TBL1XR1: variants seen among roughly 807,000 people sequenced by gnomAD.
TBL1XR1 encodes the protein F-box-like/WD repeat-containing protein TBL1XR1.
Under a neutral mutation model 66.9 loss-of-function variants are expected in TBL1XR1, and 5 were observed. The ratio of observed to expected loss-of-function variants is 0.07; its 90% CI spans 0.04 to 0.16. The LOEUF is 0.16. Among genes scored for constraint, TBL1XR1 ranks in the 10% least tolerant of loss-of-function variants. The pLI, the probability that TBL1XR1 is intolerant of heterozygous loss-of-function variation, is 1.00. For missense variants in TBL1XR1, 238 were observed against 623.2 expected, an observed-to-expected ratio of 0.38 and a Z score of 6.58; for synonymous variants, 210 against 206.0, an observed-to-expected ratio of 1.02 and a Z score of -0.17.
chr3:177,197,897 G>A (rs1343336021), upstream of TBL1XR1, among the ~76,000 whole-genome samples: 1 of 149,288 alleles, frequency 6.7e-6, no homozygotes, highest in Non-Finnish European at 1.5e-5. Context: ...TCGGGTGTGG[G>A]CCGCTGGGCC....
intron 1 of TBL1XR1, among the ~76,000 whole-genome samples, chr3:177,134,969 G>GTGTC (rs1553852554): frequency 1.0e-4 from 10 of 95,518 alleles, no homozygotes; most frequent in East Asian, 4.8e-4. Context: ...GTGTGTGTCT[G>GTGTC]TGTGTGTGTC....
chr3:177,122,403 A>T (rs1476856610), intron 1 of TBL1XR1, among the ~76,000 whole-genome samples: 2 of 152,160 alleles, frequency 1.3e-5, no homozygotes, highest in Non-Finnish European at 2.9e-5. Context: ...AGAGAAGAGC[A>T]TCAAGAAGTT....
intron 2 of TBL1XR1, among the ~76,000 whole-genome samples, chr3:177,077,384 T>A (rs1720823485): frequency 6.6e-6 from 1 of 152,186 alleles, no homozygotes; most frequent in Non-Finnish European, 1.5e-5. Flanking sequence ...TTACTTTAGA[T>A]CTCACCTGAA....
At chr3:177,147,501 T>A (rs1218451580) in intron 1 of TBL1XR1, among the ~76,000 whole-genome samples, 1 of 152,220 alleles carries the variant, frequency 6.6e-6, no homozygotes, top group Non-Finnish European at 1.5e-5. Flanking sequence ...AAAGTACTTA[T>A]GATTATTAAA....
intron 1 of TBL1XR1, among the ~76,000 whole-genome samples, chr3:177,170,806 T>A (rs754562199): frequency 7.1e-4 from 108 of 151,982 alleles, no homozygotes; most frequent in Admixed American, 1.3e-3. Flanking sequence ...GGTCTCGCCA[T>A]GTTGCCCAAG....
In TBL1XR1 at chr3:177,098,070, G is replaced by A. The variant is rs139289907; in HGVS notation, c.-46+396C>T. ...TAAAAATACAAAAAATTAGCTGGGCGTGGTGGCGCATGCCTGTAATCCCAG... is the reference window on the plus strand; with the variant it reads ...TAAAAATACAAAAAATTAGCTGGGCATGGTGGCGCATGCCTGTAATCCCAG... On this transcript the variant is annotated intron_variant, in intron 2 of 15. Coordinates refer to ENST00000457928, the MANE Select transcript of TBL1XR1 (RefSeq NM_024665.7). 2.9e-3 allele frequency among the ~76,000 whole-genome samples: 436 copies of A among 152,136 alleles called. 7 individuals are homozygous for A. The highest frequency in any genetic ancestry group is 4.0e-3 in the Non-Finnish European group (269 of 68,000).
intron 1 of TBL1XR1, chr3:177,120,645 C>T (rs753748880): frequency 3.3e-5 from 5 of 152,148 alleles, no homozygotes; most frequent in Non-Finnish European, 4.4e-5. Context: ...CTTTTCGCAG[C>T]TTTAACTCAC....
intron 1 of TBL1XR1, among the ~76,000 whole-genome samples, chr3:177,182,525 G>C (rs576299751): frequency 6.6e-6 from 1 of 152,262 alleles, no homozygotes; most frequent in East Asian, 1.9e-4. Flanking sequence ...ACTAGCAAAC[G>C]TATACCTCAG....
At chr3:177,152,685 A>C (rs142104291) in intron 1 of TBL1XR1, among the ~76,000 whole-genome samples, 1 of 152,122 alleles carries the variant, frequency 6.6e-6, no homozygotes, top group African/African-American at 2.4e-5. Flanking sequence ...ATATCTCTAT[A>C]TATTATTTTC....
At chr3:177,089,111 A>C (rs1163811283) in intron 2 of TBL1XR1, among the ~76,000 whole-genome samples, 1 of 152,194 alleles carries the variant, frequency 6.6e-6, no homozygotes, top group Non-Finnish European at 1.5e-5. Flanking sequence ...TTTTAAGAAT[A>C]ATCAAGTTCT....
At chr3:177,047,687 C>A (rs935920834) in intron 7 of TBL1XR1, 138 bp from the exon 8 acceptor site, 3 of 887,918 alleles carry the variant, frequency 3.4e-6, no homozygotes, top group Non-Finnish European at 5.2e-6. Context: ...GTTTTGCCTA[C>A]TTGTGAGTGC....
chr3:177,142,330 TACCTACTCTTAATTAC>T (rs1472640785), intron 1 of TBL1XR1, among the ~76,000 whole-genome samples: 14 of 152,240 alleles, frequency 9.2e-5, no homozygotes, highest in South Asian at 4.1e-4. Context: ...GTCACATTTA[TACCTACTCTTAATTAC>T]ACCTACTCTT....
chr3:177,128,452 C>A (rs1727907960), intron 1 of TBL1XR1, among the ~76,000 whole-genome samples: 1 of 152,162 alleles, frequency 6.6e-6, no homozygotes, highest in Non-Finnish European at 1.5e-5. Flanking sequence ...CAGCTCCCTG[C>A]AGCCTGGATC....
At chr3:177,151,086 T>C (rs1452088038) in intron 1 of TBL1XR1, among the ~76,000 whole-genome samples, 5 of 152,220 alleles carry the variant, frequency 3.3e-5, no homozygotes, top group Non-Finnish European at 7.3e-5. Context: ...GCTGTTCAAC[T>C]CCTTTATTTT....
rs1398564909 is a variant in TBL1XR1 at position 177,023,353 on chromosome 3, T to C, written c.*2145A>G. ...ATTTTTATTTATTTTTTTTAAACAA[T>C]AACAGAGGTCAACCACAGATGTGGA... On this transcript the variant is annotated 3_prime_UTR_variant, in exon 16 of 16. Coordinates refer to ENST00000457928, the MANE Select transcript of TBL1XR1 (RefSeq NM_024665.7). The C allele has an allele frequency of 6.6e-6, 1 of 152,486 alleles. No homozygotes were observed. The highest frequency in any genetic ancestry group is 1.5e-5 in the Non-Finnish European group (1 of 67,962). The allele number at this position is 152,486 out of a possible 1,614,324, so 9.4% of individuals were successfully genotyped here.
At chr3:177,042,075 G>A (rs1577004110) in intron 10 of TBL1XR1, among the ~76,000 whole-genome samples, 1 of 152,130 alleles carries the variant, frequency 6.6e-6, no homozygotes, top group Non-Finnish European at 1.5e-5. Flanking sequence ...GGAGTGTCTA[G>A]TTTACACGTC....
intron 1 of TBL1XR1, among the ~76,000 whole-genome samples, chr3:177,121,734 CCAT>C (rs1726997818): frequency 6.6e-6 from 1 of 152,084 alleles, no homozygotes; most frequent in Non-Finnish European, 1.5e-5. Context: ...ACTCACAATC[CCAT>C]CGAGGCTGTT....
At chr3:177,189,180 C>T (rs1209985218) in intron 1 of TBL1XR1, among the ~76,000 whole-genome samples, 1 of 150,772 alleles carries the variant, frequency 6.6e-6, no homozygotes, top group Non-Finnish European at 1.5e-5. Flanking sequence ...TGCACTCCAG[C>T]TTAGGCAACA....
At chr3:177,145,938 C>G (rs997482268) in intron 1 of TBL1XR1, among the ~76,000 whole-genome samples, 2 of 152,176 alleles carry the variant, frequency 1.3e-5, no homozygotes, top group African/African-American at 4.8e-5. Context: ...CAGGAGCTCT[C>G]CCTCCAAACA....
Sources: gnomAD v4.1 joint callset for allele counts (sites outside exome capture counted in the v4.1 genomes callset) on GRCh38, gnomAD v4.1.1 for gene constraint, MANE v1.5 for transcripts, NCBI Gene and HGNC (gene_info 2026-07-23, HGNC 2026-07-21) for gene names.